Variants in CROCC2 observed in about 807,000 individuals in gnomAD.
The protein encoded by CROCC2 is ciliary rootlet coiled-coil protein 2.
CROCC2 carries 163 observed loss-of-function variants against 177.6 expected under a neutral mutation model. The ratio of observed to expected loss-of-function variants is 0.92; its 90% CI spans 0.81 to 1.05. CROCC2 has a LOEUF of 1.05. CROCC2 is among the 50% of genes least tolerant of loss of function. The pLI, the probability that CROCC2 is intolerant of heterozygous loss-of-function variation, is 0.00. For missense variants in CROCC2, 1,929 were observed against 1,797.8 expected (o/e 1.07, Z -1.32); for synonymous variants, 904 against 787.3 (o/e 1.15, Z -2.48).
intron 28 of CROCC2, chr2:240,983,344 G>A: frequency 1.6e-6 from 2 of 1,285,004 alleles, no homozygotes; most frequent in Non-Finnish European, 2.0e-6. Flanking sequence ...TGAGGCCAGA[G>A]CCAGCCTTAG....
intron 14 of CROCC2, among the ~76,000 whole-genome samples, chr2:240,939,103 A>G (rs2059483818): frequency 6.6e-6 from 1 of 152,132 alleles, no homozygotes; most frequent in Admixed American, 6.5e-5. Context: ...AAATAATTTG[A>G]TGTTTCACCA....
rs371617779 is a variant in CROCC2, at chr2:240,966,407, C to T, written c.4144C>T (p.Arg1382Trp). 131 of 400,942 alleles carry T rather than the reference C, an allele frequency of 3.3e-4. No homozygotes were observed. Among genetic ancestry groups the T allele is most frequent in the African/African-American group, 1.7e-3 (84 of 48,686 alleles). 24.8% of individuals were successfully genotyped at this position (400,942 alleles called of 1,614,324 possible). A position where few individuals can be genotyped will look rare whatever the true frequency, so the allele number is the denominator to read the frequency against. The change falls in exon 25 of 32, where the codon CGG (arginine) becomes TGG (tryptophan). Residue 1382 changes from arginine to tryptophan, a missense_variant and splice_region_variant. This residue lies in a region of CROCC2 where 388 missense variants were observed against 352.7 expected (regional missense o/e 1.10). Transcript: ENST00000690015. ...VQKLREAQRE[R>W]DDSRIQMATL... ...GAAGCTCCGGGAAGCCCAGCGGGAGCGGGTAATGGGGGCTGGGGTCCTCCC... is the reference window on the plus strand; with the variant it reads ...GAAGCTCCGGGAAGCCCAGCGGGAGTGGGTAATGGGGGCTGGGGTCCTCCC...
intron 27 of CROCC2, chr2:240,981,914 C>G (rs1020072217): frequency 6.6e-6 from 1 of 152,088 alleles, no homozygotes; most frequent in Non-Finnish European, 1.5e-5. Flanking sequence ...ATCTCCTTCA[C>G]ACGTCTGGGG....
chr2:240,956,312 C>A lies in CROCC2; in HGVS notation c.2943+340C>A, dbSNP rs934849410. ...GGCTGAGCCCATATGTGCACTGGAG[C>A]TGCTCGTAGAAAAGCACAGCTGGGG... On this transcript the variant is annotated intron_variant, in intron 19 of 31. Transcript: ENST00000690015. 5 of 308,200 alleles carry A rather than the reference C, an allele frequency of 1.6e-5. No homozygotes were observed. In the East Asian group the frequency reaches 3.0e-4, roughly 18 times the overall value. The allele number at this position is 308,200 out of a possible 1,614,324, so 19.1% of individuals were successfully genotyped here. A position where few individuals can be genotyped will look rare whatever the true frequency, so the allele number is the denominator to read the frequency against.
chr2:240,945,992 A>G lies in CROCC2; in HGVS notation c.2170-68A>G, dbSNP rs2059521191. 3.2e-6 allele frequency: 4 copies of G among 1,251,068 alleles called. No homozygotes were observed. In the African/African-American group the frequency reaches 4.5e-5, roughly 14 times the overall value. The allele number at this position is 1,251,068 out of a possible 1,614,324, so 77.5% of individuals were successfully genotyped here. On this transcript the variant is annotated intron_variant, in intron 14 of 31. Transcript: ENST00000690015. ...CTTCTGAAGTCCTTTCTTCCCCTCA[A>G]GAGGCCCATGCTCACCCACCCACTT...
chr2:240,913,513 GC>G, intron 1 of CROCC2, among the ~76,000 whole-genome samples: 1 of 152,360 alleles, frequency 6.6e-6, no homozygotes, highest in Middle Eastern at 3.4e-3. Flanking sequence ...CTGTGTCCGA[GC>G]CTGTCTGTGT....
At chr2:240,983,517 T>A (rs2059815884) in intron 28 of CROCC2, 1 of 1,250,478 alleles carries the variant, frequency 8.0e-7, no homozygotes, top group South Asian at 1.3e-5. Context: ...ACGGCGGCGC[T>A]GCGCACCGAG....
At position 240,922,532 on chromosome 2, in the gene CROCC2, T is replaced by C; in HGVS notation, c.382-7T>C. The C allele has an allele frequency of 1.4e-6, 1 of 694,354 alleles. No homozygotes were observed. Among genetic ancestry groups the C allele is most frequent in the Non-Finnish European group, 2.7e-6 (1 of 371,250 alleles). 43.0% of individuals were successfully genotyped at this position (694,354 alleles called of 1,614,324 possible). A position where few individuals can be genotyped will look rare whatever the true frequency, so the allele number is the denominator to read the frequency against. On this transcript the variant is annotated splice_polypyrimidine_tract_variant and splice_region_variant and intron_variant, in intron 3 of 31. Coordinates refer to ENST00000690015, the MANE Select transcript of CROCC2 (RefSeq NM_001351305.2). Reference sequence around the variant, plus strand: ...GCCAGACCAGGTGGGCTATTGCTCCTCCCCAGCTGCAGGCCCGGCTGGAGA... The same window carrying C: ...GCCAGACCAGGTGGGCTATTGCTCCCCCCCAGCTGCAGGCCCGGCTGGAGA...
At chr2:240,909,527 G>T (rs552153254) in intron 1 of CROCC2, among the ~76,000 whole-genome samples, 17 of 152,236 alleles carry the variant, frequency 1.1e-4, no homozygotes, top group Non-Finnish European at 1.9e-4. Flanking sequence ...CCCCTCGGAT[G>T]TCAGGAAAGC....
chr2:240,950,658 TCCACTCAC>T, intron 18 of CROCC2, 148 bp downstream of exon 18: 1 of 746,616 alleles, frequency 1.3e-6, no homozygotes, highest in Non-Finnish European at 2.1e-6. Context: ...CAACCATCCG[TCCACTCAC>T]CCACCCACCT....
intron 3 of CROCC2, 122 bp downstream of exon 3, chr2:240,920,256 A>G: frequency 1.7e-6 from 1 of 583,474 alleles, no homozygotes; most frequent in Non-Finnish European, 3.1e-6. Context: ...ACTCGGAAAG[A>G]CAGAGTGTCA....
chr2:240,910,911 G>T (rs1169237488), intron 1 of CROCC2, among the ~76,000 whole-genome samples: 1 of 151,988 alleles, frequency 6.6e-6, no homozygotes, highest in African/African-American at 2.4e-5. Flanking sequence ...CGGGCGGATC[G>T]CTTGAGGTCA....
chr2:240,927,062 A>C (rs1301224696), intron 5 of CROCC2, among the ~76,000 whole-genome samples: 2 of 152,232 alleles, frequency 1.3e-5, no homozygotes, highest in Non-Finnish European at 2.9e-5. Context: ...TTTGTCCTTG[A>C]GAACTGTTCT....
At chr2:240,929,652 C>G (rs116343965) in intron 5 of CROCC2, 1 of 455,600 alleles carries the variant, frequency 2.2e-6, no homozygotes, top group East Asian at 7.0e-5. Context: ...CTGGCACCTT[C>G]GAAGTGCCAG....
intron 1 of CROCC2, among the ~76,000 whole-genome samples, chr2:240,906,895 G>C (rs1455502184): frequency 6.6e-6 from 1 of 151,342 alleles, no homozygotes; most frequent in East Asian, 2.0e-4. Context: ...TTGCGGGGTG[G>C]AGAGAGAGCC....
chr2:240,946,265 C>A lies in CROCC2; in HGVS notation c.2363+12C>A. 6.6e-7 allele frequency: 1 copy of A among 1,518,178 alleles called. No homozygotes were observed. Among genetic ancestry groups the A allele is most frequent in the Non-Finnish European group, 8.9e-7 (1 of 1,122,792 alleles). 94.0% of individuals were successfully genotyped at this position (1,518,178 alleles called of 1,614,324 possible). ...GCAGCTGATCTCAGGTATGCAAGGG[C>A]CTGCCAGTCAGGGCATGTCCCACGT... On this transcript the variant is annotated intron_variant, in intron 15 of 31. Coordinates refer to ENST00000690015, the MANE Select transcript of CROCC2 (RefSeq NM_001351305.2).
chr2:240,981,659 T>A (rs1281326340), intron 27 of CROCC2: 1 of 152,192 alleles, frequency 6.6e-6, no homozygotes, highest in African/African-American at 2.4e-5. Context: ...AAATTATAAT[T>A]TTCAAAATTG....
intron 1 of CROCC2, among the ~76,000 whole-genome samples, chr2:240,909,517 C>A (rs552846927): frequency 6.6e-6 from 1 of 152,364 alleles, no homozygotes; most frequent in Non-Finnish European, 1.5e-5. Context: ...GGATTCTCAT[C>A]CCCTCGGATG....
rs1168986926 is a variant in CROCC2, at chr2:240,982,874, C to G, written c.4402-6C>G. 4.5e-6 allele frequency: 7 copies of G among 1,546,808 alleles called. No homozygotes were observed. Among genetic ancestry groups the G allele is most frequent in the Non-Finnish European group, 6.1e-6 (7 of 1,145,270 alleles). Reference sequence around the variant, plus strand: ...CCAGGTGGACCCTGTGTCTCCTTCCCCCCAGGAGCAACTGGAAACGCTGCG... The same window carrying G: ...CCAGGTGGACCCTGTGTCTCCTTCCGCCCAGGAGCAACTGGAAACGCTGCG... On this transcript the variant is annotated splice_region_variant and splice_polypyrimidine_tract_variant and intron_variant, in intron 27 of 31. Coordinates refer to ENST00000690015, the MANE Select transcript of CROCC2 (RefSeq NM_001351305.2). This position sits in a 1 kb window ranked among gnomAD's most constrained non-coding sequence, Gnocchi z 4.7.
Sources: gnomAD v4.1 joint callset for allele counts (sites outside exome capture counted in the v4.1 genomes callset) on GRCh38, gnomAD v4.1.1 for gene constraint, gnomAD v4.1.1 regional missense constraint, Gnocchi (gnomAD v3.1) non-coding constraint, MANE v1.5 for transcripts, NCBI Gene and HGNC (gene_info 2026-07-23, HGNC 2026-07-21) for gene names.